Variants in BMP7 observed in about 807,000 individuals in gnomAD.
BMP7 encodes bone morphogenetic protein 7.
In BMP7, 12 loss-of-function variants were observed where a neutral mutation model predicts 41.2. The observed-to-expected ratio is 0.29, with a 90% CI of 0.19 to 0.47. The LOEUF (loss-of-function observed/expected upper bound fraction) is 0.47. Among genes scored for constraint, BMP7 ranks in the 20% least tolerant of loss-of-function variants. The pLI is 0.99. For synonymous variants in BMP7, 248 were observed against 250.0 expected, an observed-to-expected ratio of 0.99 and a Z score of 0.07; for missense variants, 467 against 606.0, an observed-to-expected ratio of 0.77 and a Z score of 2.41.
chr20:57,237,320 C>T (rs1300338221), intron 1 of BMP7, among the ~76,000 whole-genome samples: 1 of 152,270 alleles, frequency 6.6e-6, no homozygotes, highest in East Asian at 1.9e-4. Context: ...CCCCATATCC[C>T]GGAACGTCCC....
chr20:57,181,762 C>T (rs6070012), intron 4 of BMP7, among the ~76,000 whole-genome samples: 33 of 151,998 alleles, frequency 2.2e-4, no homozygotes, highest in Non-Finnish European at 4.7e-4. Context: ...CATCTCCACC[C>T]CTCTGTGCTC....
chr20:57,251,785 T>C (rs2066114843), intron 1 of BMP7, among the ~76,000 whole-genome samples: 1 of 152,044 alleles, frequency 6.6e-6, no homozygotes, highest in Non-Finnish European at 1.5e-5. Context: ...AATACAAAAA[T>C]TATCTGGGCG....
intron 1 of BMP7, among the ~76,000 whole-genome samples, chr20:57,230,319 C>T (rs1392334189): frequency 6.6e-6 from 1 of 152,112 alleles, no homozygotes; most frequent in Non-Finnish European, 1.5e-5. Flanking sequence ...CCGTAAAGGG[C>T]AGCCACTTGG....
chr20:57,209,117 C>T (rs981294532), intron 2 of BMP7, among the ~76,000 whole-genome samples: 3 of 151,514 alleles, frequency 2.0e-5, no homozygotes, highest in African/African-American at 7.3e-5. Context: ...GTCGGGAGTT[C>T]GAGACCAGCC....
chr20:57,244,597 T>C (rs1485193276), intron 1 of BMP7, among the ~76,000 whole-genome samples: 2 of 152,238 alleles, frequency 1.3e-5, no homozygotes, highest in Non-Finnish European at 2.9e-5. Context: ...AACCCACCTC[T>C]GGAAGGCTCA....
chr20:57,208,911 T>A (rs1359354271), intron 2 of BMP7, among the ~76,000 whole-genome samples: 1 of 152,078 alleles, frequency 6.6e-6, no homozygotes, highest in Non-Finnish European at 1.5e-5. Flanking sequence ...GGGCCAGGTG[T>A]GGTGGCTCAC....
intron 2 of BMP7, among the ~76,000 whole-genome samples, chr20:57,207,811 GTTTTTT>G (rs572613876): frequency 0.43 from 46,455 of 109,124 alleles, 10,418 homozygotes; most frequent in South Asian, 0.56. Context: ...ACCCCAGTTG[GTTTTTT>G]TTTTTTTTTT....
At chr20:57,232,735 G>T (rs916741678) in intron 1 of BMP7, among the ~76,000 whole-genome samples, 4 of 152,082 alleles carry the variant, frequency 2.6e-5, no homozygotes, top group Non-Finnish European at 4.4e-5. Flanking sequence ...TCATTAATTA[G>T]TTGGAGACTA....
intron 3 of BMP7, among the ~76,000 whole-genome samples, chr20:57,190,303 A>G (rs183597872): frequency 1.3e-5 from 2 of 149,622 alleles, no homozygotes; most frequent in Admixed American, 6.6e-5. Context: ...AGGTGAGGCC[A>G]GAGTGAGTGA....
chr20:57,260,159 T>G (rs900319012), intron 1 of BMP7, among the ~76,000 whole-genome samples: 4 of 152,218 alleles, frequency 2.6e-5, no homozygotes, highest in African/African-American at 9.6e-5. Flanking sequence ...GACCCTTGCA[T>G]GCTGTGAGAA....
At chr20:57,245,408 G>GTAAT (rs549622957) in intron 1 of BMP7, among the ~76,000 whole-genome samples, 2 of 152,218 alleles carry the variant, frequency 1.3e-5, no homozygotes, top group South Asian at 4.1e-4. Context: ...GTGCAGTGAT[G>GTAAT]TAATTACAGC....
At chr20:57,187,839 T>C (rs966403958) in intron 3 of BMP7, among the ~76,000 whole-genome samples, 1 of 152,210 alleles carries the variant, frequency 6.6e-6, no homozygotes, top group Non-Finnish European at 1.5e-5. Flanking sequence ...TCCTAGAGAC[T>C]TGGGGACAGG....
At chr20:57,250,388 A>G (rs2066107468) in intron 1 of BMP7, among the ~76,000 whole-genome samples, 2 of 148,658 alleles carry the variant, frequency 1.3e-5, no homozygotes. Context: ...AAAATTAGCC[A>G]GGCATGGTGA....
At chr20:57,184,163 G>A (rs1256969922) in intron 3 of BMP7, among the ~76,000 whole-genome samples, 1 of 152,162 alleles carries the variant, frequency 6.6e-6, no homozygotes, top group Non-Finnish European at 1.5e-5. Flanking sequence ...AGGCAGGCAG[G>A]AAATATAAGG....
At chr20:57,237,976 T>C (rs2066054093) in intron 1 of BMP7, among the ~76,000 whole-genome samples, 1 of 152,202 alleles carries the variant, frequency 6.6e-6, no homozygotes, top group South Asian at 2.1e-4. Flanking sequence ...GAATATACAA[T>C]TTAACATCCT....
At chr20:57,255,448 G>A (rs923323868) in intron 1 of BMP7, among the ~76,000 whole-genome samples, 1 of 152,066 alleles carries the variant, frequency 6.6e-6, no homozygotes, top group African/African-American at 2.4e-5. Context: ...GATGATGAAG[G>A]GGTCTCTGAA....
At chr20:57,246,046 T>C (rs1449201519) in intron 1 of BMP7, among the ~76,000 whole-genome samples, 1 of 152,148 alleles carries the variant, frequency 6.6e-6, no homozygotes, top group Non-Finnish European at 1.5e-5. Context: ...TACCGCTGGG[T>C]ACAAGTACGA....
chr20:57,208,141 T>TAAA (rs1220510760), intron 2 of BMP7, among the ~76,000 whole-genome samples: 1 of 152,230 alleles, frequency 6.6e-6, no homozygotes, highest in Non-Finnish European at 1.5e-5. Flanking sequence ...CAGTTGGTTT[T>TAAA]ATAACCACAG....
intron 4 of BMP7, among the ~76,000 whole-genome samples, chr20:57,180,203 ATC>A (rs1984044275): frequency 6.6e-6 from 1 of 152,032 alleles, no homozygotes. Flanking sequence ...CACAGCTTGA[ATC>A]TCTGCAAAGA....
Sources: allele counts gnomAD v4.1 joint callset (sites outside exome capture counted in the v4.1 genomes callset), GRCh38; gene constraint gnomAD v4.1.1; transcripts MANE v1.5; gene names NCBI Gene and HGNC (gene_info 2026-07-23, HGNC 2026-07-21).